Variants in CACNG3 observed in about 807,000 individuals in gnomAD.
CACNG3 encodes the protein calcium voltage-gated channel auxiliary subunit gamma 3, also known as voltage-dependent calcium channel gamma-3 subunit.
Under a neutral mutation model 28.5 loss-of-function variants are expected in CACNG3, and 3 were observed. The observed-to-expected ratio is 0.11, with a 90% CI of 0.05 to 0.27. The LOEUF (loss-of-function observed/expected upper bound fraction) is 0.27, where lower values mean the gene tolerates loss of function less well. Among genes scored for constraint, CACNG3 ranks in the 10% least tolerant of loss-of-function variants. The pLI, the probability that CACNG3 is intolerant of heterozygous loss-of-function variation, is 1.00. For missense variants in CACNG3, 236 were observed against 414.4 expected, an observed-to-expected ratio of 0.57 and a Z score of 3.74; for synonymous variants, 174 against 162.2, an observed-to-expected ratio of 1.07 and a Z score of -0.55.
intron 1 of CACNG3, among the ~76,000 whole-genome samples, chr16:24,327,597 G>C (rs1231909086): frequency 6.7e-6 from 1 of 150,278 alleles, no homozygotes; most frequent in Non-Finnish European, 1.5e-5. Context: ...TCCAGCCTCA[G>C]TGACATAGTG....
rs1386284491 is a variant in CACNG3 at position 24,256,987 on chromosome 16, T to C, written c.211+22T>C. 4 of 1,390,782 alleles carry C rather than the reference T, an allele frequency of 2.9e-6. No homozygotes were observed. Among genetic ancestry groups the C allele is most frequent in the Non-Finnish European group, 3.1e-6 (3 of 976,546 alleles). The allele number at this position is 1,390,782 out of a possible 1,614,324, so 86.2% of individuals were successfully genotyped here. ...GAAGGTATTTACAATTTCCTCTCAA[T>C]AGCTCTGAATAATCCAGTTCTGATA... On this transcript the variant is annotated intron_variant, in intron 1 of 3. Coordinates refer to ENST00000005284, the MANE Select transcript of CACNG3 (RefSeq NM_006539.4). The surrounding 1 kb of genome is among the most constrained non-coding windows in gnomAD (Gnocchi z 4.6).
intron 2 of CACNG3, among the ~76,000 whole-genome samples, chr16:24,354,538 G>A (rs1265042728): frequency 6.6e-6 from 1 of 152,142 alleles, no homozygotes; most frequent in Non-Finnish European, 1.5e-5. Flanking sequence ...CATAAGTCAA[G>A]TCTCCAAGCC....
Position 24,275,440 on chromosome 16 carries a change from C to T in CACNG3, c.211+18475C>T, listed in dbSNP as rs977733989. Among the ~76,000 whole-genome samples, 5 of 152,186 alleles carry T rather than the reference C, an allele frequency of 3.3e-5. No homozygotes were observed. In the East Asian group the frequency reaches 9.6e-4, roughly 29 times the overall value. On this transcript the variant is annotated intron_variant, in intron 1 of 3. Coordinates refer to ENST00000005284, the MANE Select transcript of CACNG3 (RefSeq NM_006539.4). Reference sequence around the variant, plus strand: ...TCAGACCTTGAGTGCTAGATTTATACAGTCTGAGTAACCAAATGAGAACTA... The same window carrying T: ...TCAGACCTTGAGTGCTAGATTTATATAGTCTGAGTAACCAAATGAGAACTA...
At chr16:24,332,508 C>T (rs1420810669) in intron 1 of CACNG3, among the ~76,000 whole-genome samples, 1 of 151,496 alleles carries the variant, frequency 6.6e-6, no homozygotes, top group Non-Finnish European at 1.5e-5. Context: ...TCAGGATGTG[C>T]ATCAACCACA....
intron 1 of CACNG3, among the ~76,000 whole-genome samples, chr16:24,265,076 C>T (rs12927118): frequency 0.082 from 12,430 of 151,972 alleles, 621 homozygotes; most frequent in Middle Eastern, 0.14. Context: ...TCCATCTCTA[C>T]AAAAAATACA....
intron 1 of CACNG3, among the ~76,000 whole-genome samples, chr16:24,332,088 T>C (rs1199345742): frequency 1.3e-5 from 2 of 152,240 alleles, no homozygotes; most frequent in African/African-American, 4.8e-5. Flanking sequence ...GTCTATTTTG[T>C]TCACTGATAA....
At chr16:24,340,331 G>A (rs35323377) in intron 1 of CACNG3, among the ~76,000 whole-genome samples, 35,250 of 152,042 alleles carry the variant, frequency 0.23, 4,533 homozygotes, top group Admixed American at 0.36. Context: ...CCAAAACGTC[G>A]AGGCTTCAGT....
At chr16:24,356,306 AC>A (rs1467557219) in intron 3 of CACNG3, among the ~76,000 whole-genome samples, 1 of 151,674 alleles carries the variant, frequency 6.6e-6, no homozygotes, top group Non-Finnish European at 1.5e-5. Flanking sequence ...GTGGCTTGCA[AC>A]CCCCCTGGAT....
At chr16:24,360,307 A>G (rs981436563) in intron 3 of CACNG3, among the ~76,000 whole-genome samples, 40 of 152,314 alleles carry the variant, frequency 2.6e-4, no homozygotes, top group African/African-American at 9.6e-4. Context: ...AGAGATGTGC[A>G]CAGCCCTCCA....
chr16:24,274,410 G>GT (rs2141348686), intron 1 of CACNG3, among the ~76,000 whole-genome samples: 1 of 152,284 alleles, frequency 6.6e-6, no homozygotes. Context: ...CCTGGCACAT[G>GT]TAAGTACTAA....
chr16:24,308,624 G>A (rs1053499624), intron 1 of CACNG3, among the ~76,000 whole-genome samples: 1 of 151,978 alleles, frequency 6.6e-6, no homozygotes, highest in African/African-American at 2.4e-5. Flanking sequence ...GGAGGCCAAG[G>A]TGAGAGGATC....
At chr16:24,257,305 A>G (rs1898471810) in intron 1 of CACNG3, among the ~76,000 whole-genome samples, 1 of 138,550 alleles carries the variant, frequency 7.2e-6, no homozygotes, top group African/African-American at 2.6e-5. Flanking sequence ...CCCTGCTTAA[A>G]TTGGATTTCG....
intron 1 of CACNG3, among the ~76,000 whole-genome samples, chr16:24,270,293 T>G (rs1480347673): frequency 2.0e-5 from 3 of 152,208 alleles, no homozygotes; most frequent in African/African-American, 7.2e-5. Flanking sequence ...TTACAAATCA[T>G]TTTGACCCTT....
intron 1 of CACNG3, among the ~76,000 whole-genome samples, chr16:24,304,635 G>A (rs903487764): frequency 7.9e-5 from 12 of 152,108 alleles, no homozygotes; most frequent in South Asian, 6.2e-4. Context: ...GTGCAGTAGC[G>A]CAATCTCAGC....
intron 2 of CACNG3, among the ~76,000 whole-genome samples, chr16:24,351,635 AG>A (rs1899943265): frequency 1.1e-5 from 1 of 94,762 alleles, no homozygotes; most frequent in African/African-American, 4.7e-5. Context: ...GGGAAGGGGA[AG>A]GGGAAGGGGA....
intron 1 of CACNG3, among the ~76,000 whole-genome samples, chr16:24,282,282 G>A (rs1355994808): frequency 6.6e-6 from 1 of 152,150 alleles, no homozygotes; most frequent in African/African-American, 2.4e-5. Context: ...TAGTCATGCA[G>A]TAATGTAGCT....
chr16:24,297,520 C>A lies in CACNG3; in HGVS notation c.211+40555C>A, dbSNP rs553936521. 1.2e-3 allele frequency among the ~76,000 whole-genome samples: 186 copies of A among 152,218 alleles called. 1 individual carries two copies. The highest frequency in any genetic ancestry group is 2.9e-3 in the South Asian group (14 of 4,822). ...CAAGCTGAACAGAGGATGCATCTAC[C>A]CGCCCACCCACTCACTCACTCACTC... On this transcript the variant is annotated intron_variant, in intron 1 of 3. Coordinates refer to ENST00000005284, the MANE Select transcript of CACNG3 (RefSeq NM_006539.4).
intron 1 of CACNG3, among the ~76,000 whole-genome samples, chr16:24,324,555 C>T (rs1214000256): frequency 2.0e-5 from 3 of 152,176 alleles, no homozygotes; most frequent in Non-Finnish European, 2.9e-5. Context: ...GCCAGTTTAG[C>T]TCAAATCACC....
chr16:24,332,168 A>G (rs192227901), intron 1 of CACNG3, among the ~76,000 whole-genome samples: 252 of 152,364 alleles, frequency 1.7e-3, no homozygotes, highest in Middle Eastern at 6.8e-3. Flanking sequence ...ATTGAACAAA[A>G]GAATGAATCA....
Sources: allele counts gnomAD v4.1 joint callset (sites outside exome capture counted in the v4.1 genomes callset), GRCh38; gene constraint gnomAD v4.1.1; non-coding constraint Gnocchi (gnomAD v3.1); transcripts MANE v1.5; gene names NCBI Gene and HGNC (gene_info 2026-07-23, HGNC 2026-07-21).